The following ROBO2 variants were observed in gnomAD, a reference collection of about 807,000 sequenced individuals.
ROBO2 encodes roundabout homolog 2.
ROBO2 carries 53 observed loss-of-function variants against 160.8 expected under a neutral mutation model. The observed-to-expected ratio is 0.33, with a 90% CI of 0.26 to 0.41. The LOEUF (loss-of-function observed/expected upper bound fraction) is 0.41. ROBO2 is among the 10% of genes least tolerant of loss of function. The pLI is 1.00. For missense variants in ROBO2, 1,577 were observed against 1,722.4 expected, an observed-to-expected ratio of 0.92 and a Z score of 1.49; for synonymous variants, 664 against 611.7, an observed-to-expected ratio of 1.09 and a Z score of -1.26.
chr3:76,274,837 A>C (rs1427528954), intron 2 of ROBO2, among the ~76,000 whole-genome samples: 5 of 110,802 alleles, frequency 4.5e-5, no homozygotes, highest in Non-Finnish European at 9.4e-5. Flanking sequence ...ACTCCTTTTC[A>C]AAAAAAAAAA....
intron 2 of ROBO2, among the ~76,000 whole-genome samples, chr3:76,372,822 T>G (rs1177669831): frequency 6.6e-6 from 1 of 151,886 alleles, no homozygotes; most frequent in Non-Finnish European, 1.5e-5. Context: ...TGATTAGGAC[T>G]AGGAAATGCT....
chr3:77,338,011 T>G (rs2066665331), intron 2 of ROBO2, among the ~76,000 whole-genome samples: 1 of 152,148 alleles, frequency 6.6e-6, no homozygotes, highest in Non-Finnish European at 1.5e-5. Context: ...CCATGGAACT[T>G]TCATATTTCC....
At chr3:76,928,937 T>C (rs553619661) in intron 2 of ROBO2, among the ~76,000 whole-genome samples, 67 of 152,258 alleles carry the variant, frequency 4.4e-4, no homozygotes, top group Admixed American at 9.8e-4. Flanking sequence ...TGCTCAGTAC[T>C]CACAGATGTA....
At chr3:76,859,096 G>T (rs567485546) in intron 2 of ROBO2, among the ~76,000 whole-genome samples, 2 of 152,130 alleles carry the variant, frequency 1.3e-5, no homozygotes, top group African/African-American at 4.8e-5. Flanking sequence ...TTGAATATGG[G>T]CATCACTTGC....
At chr3:76,511,626 T>C (rs2081094869) in intron 2 of ROBO2, among the ~76,000 whole-genome samples, 1 of 152,194 alleles carries the variant, frequency 6.6e-6, no homozygotes, top group African/African-American at 2.4e-5. Flanking sequence ...AAAAGGAGTT[T>C]AGCATGAAGG....
chr3:76,640,253 G>A (rs2324618), intron 2 of ROBO2, among the ~76,000 whole-genome samples: 29,849 of 152,078 alleles, frequency 0.2, 3,045 homozygotes, highest in Middle Eastern at 0.22. Context: ...CATCAGGGCC[G>A]GGCGCGGTGG....
intron 2 of ROBO2, among the ~76,000 whole-genome samples, chr3:77,016,425 A>G (rs1417180602): frequency 6.6e-6 from 1 of 152,102 alleles, no homozygotes; most frequent in Non-Finnish European, 1.5e-5. Flanking sequence ...TTCATTGCAA[A>G]TACCACATTT....
chr3:76,368,237 T>C (rs1313311176), intron 2 of ROBO2, among the ~76,000 whole-genome samples: 6 of 151,986 alleles, frequency 3.9e-5, no homozygotes, highest in Admixed American at 3.9e-4. Context: ...ATCTGAGTCA[T>C]GAGTGAATAT....
rs144675121 is a variant in ROBO2 at position 76,208,739 on chromosome 3, C to A, written c.109+271137C>A. 6.8e-3 allele frequency among the ~76,000 whole-genome samples: 1,039 copies of A among 152,154 alleles called. 17 individuals carry two copies. The highest frequency in any genetic ancestry group is 0.023 in the African/African-American group (934 of 41,504). On this transcript the variant is annotated intron_variant, in intron 2 of 26. Transcript: ENST00000487694. ...TTCTGCCCTTAGATACGATTTGTACCCATTTCCTCTGAAGCACATGTATCC... is the reference window on the plus strand; with the variant it reads ...TTCTGCCCTTAGATACGATTTGTACACATTTCCTCTGAAGCACATGTATCC...
At chr3:75,948,590 AG>A (rs1420159693) in intron 2 of ROBO2, among the ~76,000 whole-genome samples, 1 of 152,020 alleles carries the variant, frequency 6.6e-6, no homozygotes, top group Non-Finnish European at 1.5e-5. Flanking sequence ...GCCTTCTGGT[AG>A]TACCCTGTAA....
At chr3:76,038,784 G>A (rs1480003770) in intron 2 of ROBO2, among the ~76,000 whole-genome samples, 1 of 110,356 alleles carries the variant, frequency 9.1e-6, no homozygotes, top group African/African-American at 5.4e-5. Flanking sequence ...GTGTGTGTGT[G>A]TGTGTGTATG....
chr3:76,745,399 T>G (rs2108111892), intron 2 of ROBO2, among the ~76,000 whole-genome samples: 1 of 152,290 alleles, frequency 6.6e-6, no homozygotes, highest in African/African-American at 2.4e-5. Context: ...AAAAGGCACA[T>G]TGCAATAAGA....
intron 2 of ROBO2, among the ~76,000 whole-genome samples, chr3:76,257,668 C>T (rs1706485700): frequency 6.6e-6 from 1 of 150,984 alleles, no homozygotes; most frequent in African/African-American, 2.4e-5. Flanking sequence ...ATGTGCTGAT[C>T]GCTATTGTAT....
chr3:77,061,541 C>T (rs572482248), intron 1 of ROBO2, among the ~76,000 whole-genome samples: 4 of 152,234 alleles, frequency 2.6e-5, no homozygotes, highest in South Asian at 4.1e-4. Flanking sequence ...AAATCAGTAA[C>T]GGATTCATCT....
chr3:76,192,510 C>T (rs567177318), intron 2 of ROBO2, among the ~76,000 whole-genome samples: 7 of 144,482 alleles, frequency 4.8e-5, no homozygotes, highest in South Asian at 4.5e-4. Context: ...CTAAACTTTG[C>T]GTCCAACACT....
At chr3:77,254,733 A>G (rs1244370616) in intron 2 of ROBO2, among the ~76,000 whole-genome samples, 1 of 152,204 alleles carries the variant, frequency 6.6e-6, no homozygotes, top group Non-Finnish European at 1.5e-5. Flanking sequence ...ACTCTGTTCT[A>G]GGCACTTATT....
At chr3:75,938,006 ATGTT>A (rs1272539153) in intron 2 of ROBO2, among the ~76,000 whole-genome samples, 12 of 151,368 alleles carry the variant, frequency 7.9e-5, no homozygotes, top group South Asian at 6.2e-4. Flanking sequence ...AAGTTTTTGG[ATGTT>A]TGTTTATTTT....
chr3:77,634,633 T>G, intron 23 of ROBO2: 1 of 509,522 alleles, frequency 2.0e-6, no homozygotes, highest in Non-Finnish European at 3.6e-6. Context: ...TTTATGTTCA[T>G]TTGTTTGATT....
intron 2 of ROBO2, among the ~76,000 whole-genome samples, chr3:76,955,175 T>C (rs979525680): frequency 2.0e-5 from 3 of 152,244 alleles, no homozygotes; most frequent in African/African-American, 7.2e-5. Flanking sequence ...TTTCAAGATT[T>C]ATTCATATCA....
Sources: allele counts gnomAD v4.1 joint callset (sites outside exome capture counted in the v4.1 genomes callset), GRCh38; gene constraint gnomAD v4.1.1; transcripts MANE v1.5; gene names NCBI Gene and HGNC (gene_info 2026-07-23, HGNC 2026-07-21).